Variants in MFHAS1 observed in about 807,000 individuals in gnomAD.
The protein encoded by MFHAS1 is malignant fibrous histiocytoma-amplified sequence 1.
A neutral mutation model predicts 70.4 loss-of-function variants in MFHAS1; 50 were observed. That is an observed-to-expected ratio of 0.71 (90% CI 0.57 to 0.90). The LOEUF is 0.90. Ranked by LOEUF, MFHAS1 falls within the 40% of genes least tolerant of loss-of-function variation. MFHAS1 has a pLI of 0.00. For synonymous variants in MFHAS1, 952 were observed against 620.0 expected (o/e 1.54, Z -7.96); for missense variants, 1,795 against 1,347.6 (o/e 1.33, Z -5.20).
chr8:8,886,034 A>G (rs1350236159), intron 1 of MFHAS1, among the ~76,000 whole-genome samples: 1 of 152,194 alleles, frequency 6.6e-6, no homozygotes, highest in African/African-American at 2.4e-5. Context: ...CACTCAACCC[A>G]TTTGTCTTAA....
chr8:8,873,721 G>A (rs1425940218), intron 1 of MFHAS1, among the ~76,000 whole-genome samples: 1 of 152,108 alleles, frequency 6.6e-6, no homozygotes, highest in East Asian at 1.9e-4. Flanking sequence ...AAACAACCAC[G>A]CAGCGCGGGA....
intron 1 of MFHAS1, among the ~76,000 whole-genome samples, chr8:8,808,371 C>CA (rs1246154986): frequency 6.6e-6 from 1 of 152,242 alleles, no homozygotes; most frequent in African/African-American, 2.4e-5. Flanking sequence ...ACCTGCTCAT[C>CA]ACTTAGGCAC....
intron 1 of MFHAS1, among the ~76,000 whole-genome samples, chr8:8,869,801 G>A (rs769644910): frequency 5.9e-5 from 9 of 152,168 alleles, no homozygotes; most frequent in Admixed American, 2.0e-4. Context: ...ACCGGAGCCT[G>A]GGAAGGTTCA....
chr8:8,805,721 A>C (rs1297307831), intron 1 of MFHAS1, among the ~76,000 whole-genome samples: 2 of 152,108 alleles, frequency 1.3e-5, no homozygotes, highest in Non-Finnish European at 2.9e-5. Flanking sequence ...TTTTTGAGAC[A>C]GAGTCTCACT....
chr8:8,783,365 C>G lies in MFHAS1; in HGVS notation c.*2657G>C, dbSNP rs905201324. On this transcript the variant is annotated 3_prime_UTR_variant, in exon 3 of 3. Transcript: ENST00000276282. ...TGGGAATACAACTGTTTAACCATTT[C>G]TTTGTATTTTTATTGATTTTTCTTT... 1 of 152,154 alleles carries G rather than the reference C, an allele frequency of 6.6e-6. No individual in the cohort carries two copies. Among genetic ancestry groups the G allele is most frequent in the African/African-American group, 2.4e-5 (1 of 41,438 alleles). The allele number at this position is 152,154 out of a possible 1,614,324, so 9.4% of individuals were successfully genotyped here. A position where few individuals can be genotyped will look rare whatever the true frequency, so the allele number is the denominator to read the frequency against.
chr8:8,790,911 G>C (rs1034699256), intron 2 of MFHAS1, among the ~76,000 whole-genome samples: 1 of 152,090 alleles, frequency 6.6e-6, no homozygotes, highest in African/African-American at 2.4e-5. Flanking sequence ...AAGTAACCAC[G>C]GTACTTCTGA....
intron 2 of MFHAS1, among the ~76,000 whole-genome samples, chr8:8,797,126 A>G (rs994104493): frequency 2.7e-5 from 4 of 150,006 alleles, no homozygotes; most frequent in African/African-American, 7.4e-5. Context: ...CTGTTAAAAA[A>G]TGTTCTGACT....
chr8:8,853,210 C>A (rs971953215), intron 1 of MFHAS1, among the ~76,000 whole-genome samples: 4 of 151,832 alleles, frequency 2.6e-5, no homozygotes, highest in African/African-American at 7.3e-5. Flanking sequence ...CACTCACATA[C>A]CCCCCAAAAA....
chr8:8,890,519 C>A lies in MFHAS1; in HGVS notation c.2540G>T (p.Trp847Leu). Residue 847 changes from tryptophan (W) to leucine (L), a missense_variant, in exon 1 of 3, where the codon TGG (tryptophan) becomes TTG (leucine). By Grantham distance (61) the Trp-to-Leu change is moderately conservative. Coordinates refer to ENST00000276282, the MANE Select transcript of MFHAS1 (RefSeq NM_004225.3). ...CTGCACATAGCATGGGAACTTGTAC[C>A]AAGCTGTGGACCCATTCAAAGGCTT... ...KGKPLNGSTA[W>L]YKFPCYVQNE... 1 of 1,613,568 alleles carries A rather than the reference C, an allele frequency of 6.2e-7. No homozygotes were observed. The highest frequency in any genetic ancestry group is 1.3e-5 in the African/African-American group (1 of 75,074).
At chr8:8,854,544 G>C (rs1191410691) in intron 1 of MFHAS1, among the ~76,000 whole-genome samples, 1 of 150,870 alleles carries the variant, frequency 6.6e-6, no homozygotes, top group Non-Finnish European at 1.5e-5. Flanking sequence ...AATTAGCCAG[G>C]TGAGGTGGTG....
intron 1 of MFHAS1, among the ~76,000 whole-genome samples, chr8:8,817,598 G>A (rs570053416): frequency 2.0e-5 from 3 of 152,330 alleles, no homozygotes; most frequent in South Asian, 2.1e-4. Flanking sequence ...CAGATGGGGG[G>A]GCTCTCGCCC....
intron 1 of MFHAS1, among the ~76,000 whole-genome samples, chr8:8,853,943 C>G (rs1180302239): frequency 6.6e-6 from 1 of 152,190 alleles, no homozygotes; most frequent in Non-Finnish European, 1.5e-5. Flanking sequence ...TGGATAATTA[C>G]TATTTCCAAT....
chr8:8,799,805 C>G (rs146064854), intron 1 of MFHAS1, among the ~76,000 whole-genome samples: 1 of 152,210 alleles, frequency 6.6e-6, no homozygotes, highest in Non-Finnish European at 1.5e-5. Flanking sequence ...TCTCATCCCC[C>G]GCAAAGGCCA....
intron 2 of MFHAS1, among the ~76,000 whole-genome samples, chr8:8,796,337 A>T (rs1470960928): frequency 2.0e-5 from 3 of 152,188 alleles, no homozygotes; most frequent in Non-Finnish European, 2.9e-5. Context: ...TTGCTCATGG[A>T]ATGGGCCTGC....
intron 2 of MFHAS1, among the ~76,000 whole-genome samples, chr8:8,796,184 A>C (rs1805886663): frequency 6.6e-6 from 1 of 152,210 alleles, no homozygotes; most frequent in Non-Finnish European, 1.5e-5. Context: ...TCTGAAAGTT[A>C]CTTGGCATGT....
rs566741013 is a variant in MFHAS1 at position 8,831,244 on chromosome 8, C to G, written c.2999-33753G>C. 2.0e-5 allele frequency among the ~76,000 whole-genome samples: 3 copies of G among 152,118 alleles called. No individual in the cohort carries two copies. In the South Asian group the frequency reaches 6.2e-4, roughly 32 times the overall value. ...CTTAAAACCTCCTTATAGACTCTAT[C>G]TCCAATATACATTGGGGGTTGGGGC... On this transcript the variant is annotated intron_variant, in intron 1 of 2. Transcript: ENST00000276282.
At chr8:8,808,468 G>C (rs10102732) in intron 1 of MFHAS1, among the ~76,000 whole-genome samples, 16,708 of 152,234 alleles carry the variant, frequency 0.11, 1,149 homozygotes, top group African/African-American at 0.19. Context: ...GAAAGTGTAA[G>C]AGTAGTGATG....
chr8:8,819,410 C>T (rs1487349580), intron 1 of MFHAS1, among the ~76,000 whole-genome samples: 1 of 151,998 alleles, frequency 6.6e-6, no homozygotes, highest in African/African-American at 2.4e-5. Flanking sequence ...TCGAGACCAT[C>T]CTGGCTAACA....
intron 1 of MFHAS1, among the ~76,000 whole-genome samples, chr8:8,886,509 T>G (rs771892721): frequency 4.6e-5 from 7 of 152,036 alleles, no homozygotes; most frequent in Non-Finnish European, 1.0e-4. Flanking sequence ...AAAGAGAAAT[T>G]TACCATTATA....
Sources: gnomAD v4.1 joint callset for allele counts (sites outside exome capture counted in the v4.1 genomes callset) on GRCh38, gnomAD v4.1.1 for gene constraint, MANE v1.5 for transcripts, NCBI Gene and HGNC (gene_info 2026-07-23, HGNC 2026-07-21) for gene names.